The following FER variants were observed in gnomAD, a reference collection of about 807,000 sequenced individuals.
The protein encoded by FER is FER tyrosine kinase, also known as tyrosine-protein kinase Fer.
In FER, 63 loss-of-function variants were observed where a neutral mutation model predicts 111.0. The ratio of observed to expected loss-of-function variants is 0.57; its 90% confidence interval spans 0.46 to 0.70. The LOEUF is 0.70. FER is among the 30% of genes least tolerant of loss of function. The probability of loss-of-function intolerance (pLI) is 0.00; values close to 1 mark genes in which losing one functional copy is unlikely to be tolerated. For missense variants in FER, 914 were observed against 954.0 expected (o/e 0.96, Z 0.55); for synonymous variants, 327 against 313.9 (o/e 1.04, Z -0.44).
chr5:108,753,009 G>A (rs547907048), intron 1 of FER, among the ~76,000 whole-genome samples: 25 of 152,042 alleles, frequency 1.6e-4, no homozygotes, highest in African/African-American at 6.0e-4. Context: ...GTGGGATCTT[G>A]GACAAGTTAT....
intron 11 of FER, among the ~76,000 whole-genome samples, chr5:108,953,862 G>A (rs975767972): frequency 6.6e-6 from 1 of 151,928 alleles, no homozygotes; most frequent in Non-Finnish European, 1.5e-5. Context: ...TCTCTATCTG[G>A]AGCAGTTTAG....
intron 16 of FER, among the ~76,000 whole-genome samples, chr5:109,088,058 T>C (rs1424462588): frequency 2.0e-5 from 3 of 151,894 alleles, no homozygotes; most frequent in Non-Finnish European, 4.4e-5. Flanking sequence ...ATATTGGCCA[T>C]AGTAAATCTT....
intron 2 of FER, among the ~76,000 whole-genome samples, chr5:108,779,400 A>G (rs940120167): frequency 3.9e-5 from 6 of 152,204 alleles, no homozygotes; most frequent in African/African-American, 1.4e-4. Context: ...CATTTTGACA[A>G]TATTGACTCT....
At chr5:109,042,513 C>G (rs184291697) in intron 14 of FER, among the ~76,000 whole-genome samples, 13 of 152,260 alleles carry the variant, frequency 8.5e-5, no homozygotes, top group Admixed American at 7.8e-4. Context: ...TGTCTGAAGA[C>G]TGTCCCCCTG....
intron 2 of FER, among the ~76,000 whole-genome samples, chr5:108,786,349 G>C (rs1452015718): frequency 1.3e-5 from 2 of 152,168 alleles, no homozygotes; most frequent in Non-Finnish European, 2.9e-5. Context: ...GGAGTATCCA[G>C]TGTGAAGTCT....
chr5:108,995,888 G>A (rs1260779385), intron 13 of FER, among the ~76,000 whole-genome samples: 1 of 152,040 alleles, frequency 6.6e-6, no homozygotes, highest in Non-Finnish European at 1.5e-5. Context: ...CACCAACAGT[G>A]TAAAATGTTC....
intron 10 of FER, among the ~76,000 whole-genome samples, chr5:108,909,162 T>C (rs957701236): frequency 8.5e-5 from 13 of 152,374 alleles, no homozygotes; most frequent in African/African-American, 3.1e-4. Flanking sequence ...TGAATTTTGA[T>C]AATTATTTTA....
intron 13 of FER, among the ~76,000 whole-genome samples, chr5:108,991,232 GGT>G (rs1035256271): frequency 6.6e-6 from 1 of 151,646 alleles, no homozygotes; most frequent in South Asian, 2.1e-4. Flanking sequence ...TGTATATATG[GGT>G]GTGTGTGTAT....
intron 17 of FER, among the ~76,000 whole-genome samples, chr5:109,158,302 G>A (rs185422671): frequency 6.6e-6 from 1 of 152,082 alleles, no homozygotes; most frequent in Non-Finnish European, 1.5e-5. Flanking sequence ...GGTCGGGGCA[G>A]TTGAGGTAGA....
chr5:109,126,683 C>G (rs1248711584), intron 17 of FER, among the ~76,000 whole-genome samples: 2 of 151,988 alleles, frequency 1.3e-5, no homozygotes, highest in Non-Finnish European at 2.9e-5. Context: ...TTATTTTGTG[C>G]CAAGTATCAC....
intron 3 of FER, among the ~76,000 whole-genome samples, chr5:108,805,806 G>A (rs1417121263): frequency 6.6e-6 from 1 of 152,146 alleles, no homozygotes; most frequent in Non-Finnish European, 1.5e-5. Flanking sequence ...GGTGACTTGG[G>A]TGCTGTTAAA....
intron 13 of FER, among the ~76,000 whole-genome samples, chr5:108,990,465 T>C (rs1763035205): frequency 6.6e-6 from 1 of 151,830 alleles, no homozygotes; most frequent in Non-Finnish European, 1.5e-5. Context: ...TGTATGTATG[T>C]AGATACATTT....
intron 13 of FER, among the ~76,000 whole-genome samples, chr5:109,032,185 A>G (rs893588909): frequency 6.6e-6 from 1 of 152,158 alleles, no homozygotes; most frequent in Non-Finnish European, 1.5e-5. Context: ...GCAGACTGAG[A>G]GAAAGTTTGT....
At chr5:109,166,711 C>A (rs1213542140) in intron 17 of FER, among the ~76,000 whole-genome samples, 1 of 152,204 alleles carries the variant, frequency 6.6e-6, no homozygotes, top group African/African-American at 2.4e-5. Context: ...ACTTTTGTAG[C>A]TTCAGTCATT....
intron 18 of FER, among the ~76,000 whole-genome samples, chr5:109,181,746 A>C (rs980522623): frequency 6.6e-6 from 1 of 152,210 alleles, no homozygotes; most frequent in Non-Finnish European, 1.5e-5. Flanking sequence ...TTTTTAAAAA[A>C]TTGAGGTGAA....
At chr5:109,144,070 C>T (rs907326254) in intron 17 of FER, among the ~76,000 whole-genome samples, 29 of 151,858 alleles carry the variant, frequency 1.9e-4, no homozygotes, top group African/African-American at 6.8e-4. Context: ...ATGTCAAATC[C>T]ATTACTCACC....
chr5:109,068,035 T>G (rs1308769955), intron 16 of FER, among the ~76,000 whole-genome samples: 1 of 152,226 alleles, frequency 6.6e-6, no homozygotes, highest in Non-Finnish European at 1.5e-5. Flanking sequence ...ATTTTTTTTC[T>G]GATACCTCTA....
chr5:108,793,467 G>C (rs1379750707), intron 2 of FER, among the ~76,000 whole-genome samples: 1 of 147,918 alleles, frequency 6.8e-6, no homozygotes, highest in Non-Finnish European at 1.5e-5. Flanking sequence ...AAAAAACATA[G>C]GAGTGCAGAT....
At chr5:109,178,806 C>T (rs1757981098) in intron 17 of FER, among the ~76,000 whole-genome samples, 1 of 152,136 alleles carries the variant, frequency 6.6e-6, no homozygotes, top group Non-Finnish European at 1.5e-5. Context: ...TTTCCATATA[C>T]ATTTTAGACT....
Sources: gnomAD v4.1 joint callset for allele counts (sites outside exome capture counted in the v4.1 genomes callset) on GRCh38, gnomAD v4.1.1 for gene constraint, MANE v1.5 for transcripts, NCBI Gene and HGNC (gene_info 2026-07-23, HGNC 2026-07-21) for gene names.